Variants in C3orf49 observed in about 807,000 individuals in gnomAD.
The protein encoded by C3orf49 is chromosome 3 open reading frame 49.
Under a neutral mutation model 13.3 loss-of-function variants are expected in C3orf49, and 27 were observed. That is an observed-to-expected ratio of 2.02 (90% CI 1.49 to 2.79). The LOEUF (loss-of-function observed/expected upper bound fraction) is 2.79. Ranked by LOEUF, C3orf49 falls within the 30% of genes most tolerant of loss-of-function variation. The pLI is 0.00. For synonymous variants in C3orf49, 87 were observed against 47.6 expected, an observed-to-expected ratio of 1.83 and a Z score of -3.40; for missense variants, 242 against 134.2, an observed-to-expected ratio of 1.80 and a Z score of -3.97.
intron 1 of C3orf49, among the ~76,000 whole-genome samples, chr3:63,821,537 G>A (rs1701393882): frequency 6.6e-6 from 1 of 151,922 alleles, no homozygotes; most frequent in South Asian, 2.1e-4. Flanking sequence ...GCCCCAAACT[G>A]GAAACAACCC....
intron 5 of C3orf49, 26 bp from the exon 6 acceptor site, chr3:63,844,996 AT>A: frequency 1.5e-6 from 1 of 689,286 alleles, no homozygotes. Flanking sequence ...AGATCTTTAC[AT>A]TTGTTGTAAT....
the C3orf49 span, among the ~76,000 whole-genome samples, chr3:63,781,017 T>G: frequency 3.9e-4 from 58 of 150,384 alleles, no homozygotes; most frequent in South Asian, 1.5e-3. Flanking sequence ...GTCAATTTTG[T>G]CTTTTGTTGC....
chr3:63,825,001 C>A (rs891989487), intron 2 of C3orf49, among the ~76,000 whole-genome samples: 1 of 152,048 alleles, frequency 6.6e-6, no homozygotes, highest in African/African-American at 2.4e-5. Flanking sequence ...CATTTACAAT[C>A]GATGAACCAA....
the C3orf49 span, among the ~76,000 whole-genome samples, chr3:63,794,795 A>T: frequency 1.6e-4 from 25 of 152,230 alleles, no homozygotes; most frequent in East Asian, 9.7e-4. Flanking sequence ...CTTGAAATAC[A>T]TCGTCCTGAG....
chr3:63,811,575 CA>C, the C3orf49 span, among the ~76,000 whole-genome samples: 38 of 133,838 alleles, frequency 2.8e-4, no homozygotes, highest in Admixed American at 6.1e-4. Flanking sequence ...AAAAACAAAA[CA>C]AAAAAAAAAA....
the C3orf49 span, among the ~76,000 whole-genome samples, chr3:63,795,018 A>C: frequency 6.6e-6 from 1 of 152,082 alleles, no homozygotes; most frequent in Non-Finnish European, 1.5e-5. Context: ...TCCCTTTGCA[A>C]ATTTTTAACT....
At chr3:63,821,238 C>T (rs1701390135) in intron 1 of C3orf49, among the ~76,000 whole-genome samples, 1 of 152,046 alleles carries the variant, frequency 6.6e-6, no homozygotes, top group South Asian at 2.1e-4. Flanking sequence ...TGAACCACTT[C>T]CCATATATAA....
At chr3:63,799,190 T>C in the C3orf49 span, among the ~76,000 whole-genome samples, 2 of 152,148 alleles carry the variant, frequency 1.3e-5, no homozygotes, top group Non-Finnish European at 2.9e-5. Context: ...TTGAATTGCA[T>C]GTTACAGAGA....
chr3:63,815,983 A>G (rs1261731703), upstream of C3orf49, among the ~76,000 whole-genome samples: 4 of 149,794 alleles, frequency 2.7e-5, no homozygotes, highest in Non-Finnish European at 5.9e-5. Context: ...ACGGGGTTTC[A>G]CCGTGTTGGC....
At chr3:63,845,413 G>A (rs746430025) in intron 6 of C3orf49, among the ~76,000 whole-genome samples, 5 of 152,186 alleles carry the variant, frequency 3.3e-5, no homozygotes, top group Non-Finnish European at 7.3e-5. Flanking sequence ...CCTGAAGAAT[G>A]TGGCTGGACA....
rs1258215680 is a variant in C3orf49, at chr3:63,819,503, C to A, written c.32C>A (p.Pro11His). The A allele has an allele frequency of 4.3e-6, 3 of 702,990 alleles. No individual in the cohort carries two copies. The highest frequency in any genetic ancestry group is 7.8e-6 in the Non-Finnish European group (3 of 384,956). The allele number at this position is 702,990 out of a possible 1,614,324, so 43.5% of individuals were successfully genotyped here. A position where few individuals can be genotyped will look rare whatever the true frequency, so the allele number is the denominator to read the frequency against. The stretch of plus-strand genomic sequence containing the variant: ...CAACCTCAGCTGTATCTACCAGAAC[C>A]CTTTAAGATTGCCTACAGAAAAGTT... MAQPQLYLPEPFKIAYRKVGQ... is the reference protein window; with the variant it reads MAQPQLYLPEHFKIAYRKVGQ... Residue 11 changes from proline to histidine, a missense_variant, in exon 1 of 7, where the codon CCC (proline) becomes CAC (histidine). By Grantham distance (77) the Pro-to-His change is moderately conservative. Coordinates refer to ENST00000295896, the MANE Select transcript of C3orf49 (RefSeq NM_001355236.2).
chr3:63,841,665 GTTTTAA>G (rs1437160065), intron 5 of C3orf49, among the ~76,000 whole-genome samples: 1 of 152,088 alleles, frequency 6.6e-6, no homozygotes, highest in Non-Finnish European at 1.5e-5. Flanking sequence ...TTCATCAAGT[GTTTTAA>G]TTTTATATTT....
chr3:63,814,517 C>T (rs1187067278), upstream of C3orf49, among the ~76,000 whole-genome samples: 1 of 152,104 alleles, frequency 6.6e-6, no homozygotes, highest in Non-Finnish European at 1.5e-5. Context: ...TATGCAATCT[C>T]AGACATGTTC....
At chr3:63,781,988 G>T in the C3orf49 span, among the ~76,000 whole-genome samples, 1 of 152,158 alleles carries the variant, frequency 6.6e-6, no homozygotes, top group African/African-American at 2.4e-5. Context: ...TTGACCCCGA[G>T]CCTATCTGGC....
At chr3:63,782,712 A>T in the C3orf49 span, 1 of 152,242 alleles carries the variant, frequency 6.6e-6, no homozygotes, top group African/African-American at 2.4e-5. Flanking sequence ...TTTGTTAAGG[A>T]CTAAATCAGT....
In C3orf49 at chr3:63,819,302, TA is replaced by T; in HGVS notation, c.-168del. The stretch of plus-strand genomic sequence containing the variant: ...GGGCCAGTCCCACAAATAATGTCTC[TA>T]ACACCTGGAAGGGAATAAGGGAAAG... On this transcript the variant is annotated 5_prime_UTR_variant, in exon 1 of 7. Coordinates refer to ENST00000295896, the MANE Select transcript of C3orf49 (RefSeq NM_001355236.2). 1.8e-6 allele frequency: 1 copy of T among 567,338 alleles called. No homozygotes were observed. Among genetic ancestry groups the T allele is most frequent in the Non-Finnish European group, 3.2e-6 (1 of 317,352 alleles). The allele number at this position is 567,338 out of a possible 1,614,324, so 35.1% of individuals were successfully genotyped here.
chr3:63,818,240 G>A (rs530961193), upstream of C3orf49, among the ~76,000 whole-genome samples: 1 of 152,278 alleles, frequency 6.6e-6, no homozygotes, highest in East Asian at 1.9e-4. Flanking sequence ...TCCCACTTTA[G>A]GGATGAGAAA....
chr3:63,833,989 A>C, intron 5 of C3orf49: 1 of 706,024 alleles, frequency 1.4e-6, no homozygotes, highest in Non-Finnish European at 2.3e-6. Flanking sequence ...GTGAGAGGAA[A>C]TATGAATGAA....
rs776616711 is a variant in C3orf49, at chr3:63,848,402, A to AGGGG, written c.*69_*70insGGGG. 1 of 151,818 alleles carries AGGGG rather than the reference A, an allele frequency of 6.6e-6. No homozygotes were observed. The highest frequency in any genetic ancestry group is 1.5e-5 in the Non-Finnish European group (1 of 67,976). The allele number at this position is 151,818 out of a possible 1,614,324, so 9.4% of individuals were successfully genotyped here. On this transcript the variant is annotated 3_prime_UTR_variant, in exon 7 of 7. Transcript: ENST00000295896. ...AACTTAACCAATTACCAATCAGAAA[A>AGGGG]TCGACTCCACCTATGAGCTGGAAGT...
Sources: allele counts gnomAD v4.1 joint callset (sites outside exome capture counted in the v4.1 genomes callset), GRCh38; gene constraint gnomAD v4.1.1; transcripts MANE v1.5; gene names NCBI Gene and HGNC (gene_info 2026-07-23, HGNC 2026-07-21).